HHAT: variants seen among roughly 807,000 people sequenced by gnomAD.
HHAT encodes hedgehog acyltransferase.
HHAT carries 47 observed loss-of-function variants against 70.8 expected under a neutral mutation model. That is an observed-to-expected ratio of 0.66 (90% confidence interval 0.53 to 0.85). The LOEUF is 0.85. Ranked by LOEUF, HHAT falls within the 40% of genes least tolerant of loss-of-function variation. The pLI is 0.00. For synonymous variants in HHAT, 228 were observed against 247.6 expected (o/e 0.92, Z 0.74); for missense variants, 609 against 604.8 (o/e 1.01, Z -0.07).
chr1:210,357,725 C>T (rs2087799277), intron 2 of HHAT, among the ~76,000 whole-genome samples: 1 of 152,174 alleles, frequency 6.6e-6, no homozygotes, highest in Non-Finnish European at 1.5e-5. Flanking sequence ...GAGGCTGAGG[C>T]AGGAGAATGG....
At chr1:210,625,450 G>C (rs945525864) in intron 11 of HHAT, among the ~76,000 whole-genome samples, 1 of 152,150 alleles carries the variant, frequency 6.6e-6, no homozygotes, top group African/African-American at 2.4e-5. Context: ...AGATGAAAAA[G>C]GAAGCTCACA....
chr1:210,562,281 A>G (rs2148711114), intron 9 of HHAT, among the ~76,000 whole-genome samples: 1 of 151,960 alleles, frequency 6.6e-6, no homozygotes, highest in East Asian at 1.9e-4. Flanking sequence ...TATTTTTCTA[A>G]TCTGCATCGT....
At chr1:210,471,475 G>A (rs74753209) in intron 8 of HHAT, among the ~76,000 whole-genome samples, 1 of 151,948 alleles carries the variant, frequency 6.6e-6, no homozygotes, top group Non-Finnish European at 1.5e-5. Flanking sequence ...TTGGCTAGGA[G>A]AGAGGAGTTT....
intron 2 of HHAT, among the ~76,000 whole-genome samples, chr1:210,361,460 G>A (rs530766676): frequency 2.0e-5 from 3 of 152,156 alleles, no homozygotes; most frequent in African/African-American, 7.2e-5. Flanking sequence ...GGAGGTGTGC[G>A]GTGTGTACCC....
chr1:210,671,012 C>A (rs1679963595), intron 11 of HHAT, among the ~76,000 whole-genome samples: 2 of 152,108 alleles, frequency 1.3e-5, no homozygotes, highest in African/African-American at 4.8e-5. Flanking sequence ...AGCTATGGCC[C>A]GTGCTAAACA....
At chr1:210,475,166 C>T (rs1254853066) in intron 8 of HHAT, among the ~76,000 whole-genome samples, 1 of 152,056 alleles carries the variant, frequency 6.6e-6, no homozygotes, top group Non-Finnish European at 1.5e-5. Context: ...GAGCTCACCC[C>T]AGTTCTTATT....
At chr1:210,379,292 T>G (rs2090457994) in intron 3 of HHAT, among the ~76,000 whole-genome samples, 1 of 152,196 alleles carries the variant, frequency 6.6e-6, no homozygotes, top group Non-Finnish European at 1.5e-5. Flanking sequence ...AGAGTCATAG[T>G]GTTTGTATTT....
chr1:210,590,175 A>G (rs1043990248), intron 10 of HHAT: 3 of 152,158 alleles, frequency 2.0e-5, no homozygotes, highest in Admixed American at 6.5e-5. Flanking sequence ...TTGCCCAGAC[A>G]TAGAATCTTC....
intron 7 of HHAT, among the ~76,000 whole-genome samples, chr1:210,428,605 C>G: frequency 2.1e-5 from 1 of 48,060 alleles, no homozygotes; most frequent in Non-Finnish European, 4.9e-5. Flanking sequence ...ACAGAACGTT[C>G]TATCACCTGG....
At position 210,418,193 on chromosome 1, in the gene HHAT, T is replaced by G. The variant is rs200438732; in HGVS notation, c.724T>G (p.Cys242Gly). Residue 242 changes from cysteine to glycine, a missense_variant, in exon 7 of 12, where the codon TGT becomes GGT. Cys to Gly is a radical substitution (Grantham distance 159). Coordinates refer to ENST00000261458, the MANE Select transcript of HHAT (RefSeq NM_018194.6). ...QEHDSLKASL[C>G]VLALGLGRLL... Reference sequence around the variant, plus strand: ...GCATGACTCCCTGAAGGCCAGCCTGTGTGTCCTGGCCCTGGGGCTGGGCCG... The same window carrying G: ...GCATGACTCCCTGAAGGCCAGCCTGGGTGTCCTGGCCCTGGGGCTGGGCCG... 5.8e-5 allele frequency: 93 copies of G among 1,614,062 alleles called. 1 individual carries two copies. The highest frequency in any genetic ancestry group is 1.0e-4 in the Admixed American group (6 of 60,006).
At chr1:210,492,036 T>C (rs892736119) in intron 8 of HHAT, among the ~76,000 whole-genome samples, 1 of 152,180 alleles carries the variant, frequency 6.6e-6, no homozygotes, top group Admixed American at 6.5e-5. Flanking sequence ...GTGCTGGGAT[T>C]ATGGGTGTGA....
At chr1:210,420,790 A>G (rs563043375) in intron 7 of HHAT, among the ~76,000 whole-genome samples, 3 of 152,158 alleles carry the variant, frequency 2.0e-5, no homozygotes, top group African/African-American at 4.8e-5. Flanking sequence ...ACCACCTGCA[A>G]TGAATACTGA....
intron 3 of HHAT, among the ~76,000 whole-genome samples, chr1:210,378,774 A>G (rs1227213444): frequency 1.3e-5 from 2 of 152,150 alleles, no homozygotes; most frequent in Non-Finnish European, 2.9e-5. Flanking sequence ...CTAGTTCTTG[A>G]GCATTCATTG....
intron 9 of HHAT, among the ~76,000 whole-genome samples, chr1:210,535,340 G>A (rs895955370): frequency 9.2e-5 from 14 of 152,102 alleles, no homozygotes; most frequent in African/African-American, 2.9e-4. Context: ...TGGTGGTACT[G>A]TACAGTATTG....
At chr1:210,635,975 A>T (rs1366001833) in intron 11 of HHAT, among the ~76,000 whole-genome samples, 1 of 152,202 alleles carries the variant, frequency 6.6e-6, no homozygotes, top group Non-Finnish European at 1.5e-5. Flanking sequence ...TATTTTACAG[A>T]TATTTCAGGT....
upstream of HHAT, among the ~76,000 whole-genome samples, chr1:210,328,664 C>T (rs1024106523): frequency 6.6e-6 from 1 of 152,252 alleles, no homozygotes; most frequent in Middle Eastern, 3.2e-3. Flanking sequence ...CTGCAATTAA[C>T]TTGCAGGCAG....
At chr1:210,421,727 G>C (rs1473794360) in intron 7 of HHAT, among the ~76,000 whole-genome samples, 1 of 152,178 alleles carries the variant, frequency 6.6e-6, no homozygotes, top group Non-Finnish European at 1.5e-5. Flanking sequence ...TTACAGCTAT[G>C]AGCCACTGTG....
intron 3 of HHAT, among the ~76,000 whole-genome samples, chr1:210,371,216 A>G (rs2089544083): frequency 6.6e-6 from 1 of 152,148 alleles, no homozygotes; most frequent in Non-Finnish European, 1.5e-5. Flanking sequence ...CAGTGGCACA[A>G]CCATGGTTCA....
At chr1:210,618,133 G>T (rs1201744527) in intron 10 of HHAT, among the ~76,000 whole-genome samples, 1 of 152,198 alleles carries the variant, frequency 6.6e-6, no homozygotes, top group Non-Finnish European at 1.5e-5. Context: ...AGCTGAAAAT[G>T]ACTGAATATT....
Sources: allele counts gnomAD v4.1 joint callset (sites outside exome capture counted in the v4.1 genomes callset), GRCh38; gene constraint gnomAD v4.1.1; transcripts MANE v1.5; gene names NCBI Gene and HGNC (gene_info 2026-07-23, HGNC 2026-07-21).